Variants in DNMT3A observed in about 807,000 individuals in gnomAD.
The protein encoded by DNMT3A is DNA methyltransferase 3 alpha, also known as DNA (cytosine-5)-methyltransferase 3A.
In DNMT3A, 267 loss-of-function variants were observed where a neutral mutation model predicts 117.6. The ratio of observed to expected loss-of-function variants is 2.27; its 90% CI spans 2.05 to 2.51. The LOEUF is 2.51. Among genes scored for constraint, DNMT3A ranks in the 30% most tolerant of loss-of-function variants. DNMT3A has a pLI of 0.00. For missense variants in DNMT3A, 1,029 were observed against 1,260.2 expected (o/e 0.82, Z 2.78); for synonymous variants, 432 against 474.8 (o/e 0.91, Z 1.17).
rs568893111 is a variant in DNMT3A, at chr2:25,306,053, G to A, written c.73-5810C>T. ...GCCAGCTGGCTGGCTGGCCTCCCAG[G>A]GACTGTCTGTGGTCATGGAATTCAG... is the stretch of plus-strand genomic sequence containing the variant. On this transcript the variant is annotated intron_variant, in intron 2 of 22. Transcript: ENST00000321117. The surrounding 1 kb of genome is among the most constrained non-coding windows in gnomAD (Gnocchi z 4.1). Among the ~76,000 whole-genome samples, 27 of 152,294 alleles carry A rather than the reference G, an allele frequency of 1.8e-4. No homozygotes were observed. In the South Asian group the frequency reaches 5.4e-3, roughly 30 times the overall value.
chr2:25,312,629 C>G (rs1055242945), intron 2 of DNMT3A, among the ~76,000 whole-genome samples: 1 of 152,222 alleles, frequency 6.6e-6, no homozygotes, highest in African/African-American at 2.4e-5. Context: ...CGGGGCTCAG[C>G]TTCCTCATCT....
Position 25,230,805 on chromosome 2 carries a change from G to C in DNMT3A, c.*3474C>G, listed in dbSNP as rs953304827. ...CGTCCCTGCAAGGGGGGGGGGGGGG[G>C]GGCCATGACCCCTGGGGCATCTGGT... On this transcript the variant is annotated 3_prime_UTR_variant, in exon 23 of 23. Coordinates refer to ENST00000321117, the MANE Select transcript of DNMT3A (RefSeq NM_022552.5). The C allele has an allele frequency of 4.4e-5, 6 of 136,366 alleles. No homozygotes were observed. The highest frequency in any genetic ancestry group is 7.9e-5 in the Non-Finnish European group (5 of 63,340). 8.4% of individuals were successfully genotyped at this position (136,366 alleles called of 1,614,324 possible). A position where few individuals can be genotyped will look rare whatever the true frequency, so the allele number is the denominator to read the frequency against.
chr2:25,294,369 G>A lies in DNMT3A; in HGVS notation c.177+5770C>T, dbSNP rs527501640. Among the ~76,000 whole-genome samples the A allele has an allele frequency of 4.6e-5, 7 of 152,012 alleles. No homozygotes were observed. Among genetic ancestry groups the A allele is most frequent in the Non-Finnish European group, 1.0e-4 (7 of 68,016 alleles). On this transcript the variant is annotated intron_variant, in intron 3 of 22. Coordinates refer to ENST00000321117, the MANE Select transcript of DNMT3A (RefSeq NM_022552.5). This position sits in a 1 kb window ranked among gnomAD's most constrained non-coding sequence, Gnocchi z 4.7. ...GGCTCTACCTCACAAGCAGTGTGTC[G>A]GCCTGTCTTCCTCATGCCTTCCAAA... is the stretch of plus-strand genomic sequence containing the variant.
rs990846123 is a variant in DNMT3A, at chr2:25,236,870, G to A, written c.2478+66C>T. 1.1e-4 allele frequency: 162 copies of A among 1,526,054 alleles called. No individual in the cohort carries two copies. In the African/African-American group the frequency reaches 1.2e-3, roughly 12 times the overall value. 94.5% of individuals were successfully genotyped at this position (1,526,054 alleles called of 1,614,324 possible). A position where few individuals can be genotyped will look rare whatever the true frequency, so the allele number is the denominator to read the frequency against. ...CAGGCGGGACAAGGCCCTGGCCACCGCTCCACCTCATCCTGCCCTTCCTTC... is the reference window on the plus strand; with the variant it reads ...CAGGCGGGACAAGGCCCTGGCCACCACTCCACCTCATCCTGCCCTTCCTTC... On this transcript the variant is annotated intron_variant, in intron 21 of 22. Transcript: ENST00000321117. This position sits in a 1 kb window ranked among gnomAD's most constrained non-coding sequence, Gnocchi z 4.5.
intron 6 of DNMT3A, among the ~76,000 whole-genome samples, chr2:25,249,058 G>A (rs751119009): frequency 6.6e-6 from 1 of 152,080 alleles, no homozygotes; most frequent in Non-Finnish European, 1.5e-5. Context: ...ATATTAATCA[G>A]GCACTATTGT....
At position 25,293,488 on chromosome 2, in the gene DNMT3A, A is replaced by G. The variant is rs527845381; in HGVS notation, c.177+6651T>C. Among the ~76,000 whole-genome samples the G allele has an allele frequency of 6.6e-6, 1 of 152,148 alleles. No homozygotes were observed. The highest frequency in any genetic ancestry group is 1.5e-5 in the Non-Finnish European group (1 of 68,024). On this transcript the variant is annotated intron_variant, in intron 3 of 22. Transcript: ENST00000321117. This position sits in a 1 kb window ranked among gnomAD's most constrained non-coding sequence, Gnocchi z 4.7. ...AACTACCTTTCCAATCAAGATTGAG[A>G]AGATTTTTCTTCTTTCTTTGAGACA...
intron 1 of DNMT3A, among the ~76,000 whole-genome samples, chr2:25,335,376 C>T (rs891738188): frequency 5.9e-5 from 9 of 152,194 alleles, no homozygotes; most frequent in South Asian, 2.1e-4. Flanking sequence ...GGGGCAGGGG[C>T]GAACTCGCCT....
intron 3 of DNMT3A, among the ~76,000 whole-genome samples, chr2:25,288,245 T>C (rs56861399): frequency 1.3e-5 from 2 of 150,328 alleles, no homozygotes; most frequent in Non-Finnish European, 3.0e-5. Context: ...CCATCCTGGC[T>C]AACATGGTGA....
At chr2:25,240,259 G>C (rs2149270761) in intron 19 of DNMT3A, 43 bp downstream of exon 19, 1 of 1,613,236 alleles carries the variant, frequency 6.2e-7, no homozygotes, top group Non-Finnish European at 8.5e-7. Context: ...GTCCAAGGTA[G>C]AAGCCATTAG....
intron 11 of DNMT3A, 39 bp downstream of exon 11, chr2:25,246,121 G>A (rs777625009): frequency 1.2e-6 from 2 of 1,613,854 alleles, no homozygotes; most frequent in Admixed American, 1.7e-5. Flanking sequence ...TCGGATGCAG[G>A]CCTCCTGGTG....
At chr2:25,248,295 A>T (rs949501093) in intron 6 of DNMT3A, 43 bp from the exon 7 acceptor site, 2 of 1,598,492 alleles carry the variant, frequency 1.3e-6, no homozygotes, top group African/African-American at 2.7e-5. Flanking sequence ...CCTCTCCAGG[A>T]ATTAGCAAGG....
At chr2:25,287,876 C>G (rs1438814976) in intron 3 of DNMT3A, among the ~76,000 whole-genome samples, 1 of 151,828 alleles carries the variant, frequency 6.6e-6, no homozygotes, top group Non-Finnish European at 1.5e-5. Context: ...CTCTTGTTGC[C>G]CAGTCTGGAG....
Position 25,281,866 on chromosome 2 carries a change from C to T in DNMT3A, c.448+575G>A, listed in dbSNP as rs986870599. ...ATACAATCACCCAGCCCTCTCCCCA[C>T]GCCACTGTCACAACCAAATTTCCAG... is the stretch of plus-strand genomic sequence containing the variant. On this transcript the variant is annotated intron_variant, in intron 4 of 22. Transcript: ENST00000321117. This position sits in a 1 kb window ranked among gnomAD's most constrained non-coding sequence, Gnocchi z 4.8. 8.4e-6 allele frequency: 9 copies of T among 1,069,770 alleles called. No individual in the cohort carries two copies. Among genetic ancestry groups the T allele is most frequent in the Non-Finnish European group, 1.0e-5 (9 of 881,982 alleles). The allele number at this position is 1,069,770 out of a possible 1,614,324, so 66.3% of individuals were successfully genotyped here. A position where few individuals can be genotyped will look rare whatever the true frequency, so the allele number is the denominator to read the frequency against.
chr2:25,335,447 C>T (rs1441973550), intron 1 of DNMT3A, among the ~76,000 whole-genome samples: 4 of 152,196 alleles, frequency 2.6e-5, no homozygotes, highest in Non-Finnish European at 5.9e-5. Context: ...CCTCCTGCCC[C>T]CAGACCATGG....
intron 4 of DNMT3A, among the ~76,000 whole-genome samples, chr2:25,279,277 C>T (rs2031701438): frequency 6.6e-6 from 1 of 152,168 alleles, no homozygotes; most frequent in Admixed American, 6.5e-5. Context: ...GAAACGCTGC[C>T]TTAAAAAGTC....
At chr2:25,331,698 C>G (rs929508050) in intron 1 of DNMT3A, among the ~76,000 whole-genome samples, 5 of 152,214 alleles carry the variant, frequency 3.3e-5, no homozygotes, top group African/African-American at 9.7e-5. Context: ...CTGCAGGGGT[C>G]GTACCAGTTA....
chr2:25,290,280 C>T (rs2032647929), intron 3 of DNMT3A, among the ~76,000 whole-genome samples: 1 of 152,002 alleles, frequency 6.6e-6, no homozygotes, highest in South Asian at 2.1e-4. Context: ...GCTGGGACCA[C>T]TGGCATGTGC....
chr2:25,290,574 G>A (rs937678531), intron 3 of DNMT3A, among the ~76,000 whole-genome samples: 6 of 152,120 alleles, frequency 3.9e-5, no homozygotes, highest in Non-Finnish European at 7.3e-5. Context: ...CACCCACCTC[G>A]GCCTCCCAAA....
In DNMT3A at chr2:25,244,325, CCA is replaced by C; in HGVS notation, c.1679_1680del (p.Val560GlyfsTer17). ...GNNNCCRCFC[V>X]ECVDLLVGPG... ...GGCCCCACCAAGAGGTCCACACACT[CCA>C]CGCAAAAGCACCTGGAAGGAGACCC... On this transcript the variant is annotated frameshift_variant, in exon 15 of 23. Transcript: ENST00000321117. LOFTEE classifies it high-confidence loss of function. 6.2e-7 allele frequency: 1 copy of C among 1,607,458 alleles called. No homozygotes were observed. Among genetic ancestry groups the C allele is most frequent in the Non-Finnish European group, 8.5e-7 (1 of 1,177,166 alleles).
Sources: allele counts gnomAD v4.1 joint callset (sites outside exome capture counted in the v4.1 genomes callset), GRCh38; gene constraint gnomAD v4.1.1; non-coding constraint Gnocchi (gnomAD v3.1); transcripts MANE v1.5; gene names NCBI Gene and HGNC (gene_info 2026-07-23, HGNC 2026-07-21).